ZBTB20: variants seen among roughly 807,000 people sequenced by gnomAD.
The protein encoded by ZBTB20 is zinc finger and BTB domain-containing protein 20.
Under a neutral mutation model 56.9 loss-of-function variants are expected in ZBTB20, and 9 were observed. The observed-to-expected ratio is 0.16, with a 90% CI of 0.10 to 0.28. The LOEUF is 0.28. Ranked by LOEUF, ZBTB20 falls within the 10% of genes least tolerant of loss-of-function variation. ZBTB20 has a pLI of 1.00. For missense variants in ZBTB20, 655 were observed against 1,003.0 expected, an observed-to-expected ratio of 0.65 and a Z score of 4.69; for synonymous variants, 417 against 420.7, an observed-to-expected ratio of 0.99 and a Z score of 0.11.
chr3:114,703,769 C>T (rs541925979), intron 5 of ZBTB20, among the ~76,000 whole-genome samples: 59 of 152,292 alleles, frequency 3.9e-4, no homozygotes, highest in African/African-American at 1.2e-3. Context: ...ACAATGGTCA[C>T]TTTAGCCTGA....
intron 2 of ZBTB20, among the ~76,000 whole-genome samples, chr3:115,030,483 T>C (rs2080622603): frequency 6.6e-6 from 1 of 151,244 alleles, no homozygotes; most frequent in African/African-American, 2.4e-5. Flanking sequence ...GCATGCTCAT[T>C]TCCTAGTATT....
chr3:115,105,857 G>T (rs376909075), intron 1 of ZBTB20, among the ~76,000 whole-genome samples: 3 of 152,088 alleles, frequency 2.0e-5, no homozygotes, highest in Non-Finnish European at 4.4e-5. Flanking sequence ...CAGCTCCGTC[G>T]CCCAGGCTGG....
intron 4 of ZBTB20, among the ~76,000 whole-genome samples, chr3:114,813,904 G>A (rs2072740762): frequency 6.6e-6 from 1 of 151,976 alleles, no homozygotes; most frequent in South Asian, 2.1e-4. Context: ...TTTAAAAATG[G>A]GAATACTAAA....
At chr3:114,935,187 C>T (rs2076492536) in intron 3 of ZBTB20, among the ~76,000 whole-genome samples, 1 of 152,160 alleles carries the variant, frequency 6.6e-6, no homozygotes, top group Non-Finnish European at 1.5e-5. Context: ...TACTTTGCCT[C>T]CTCCCTACCA....
chr3:114,848,483 T>C (rs1289425092), intron 4 of ZBTB20, among the ~76,000 whole-genome samples: 4 of 152,172 alleles, frequency 2.6e-5, no homozygotes, highest in Non-Finnish European at 4.4e-5. Flanking sequence ...CCAACAGACA[T>C]GGAAATTCTT....
intron 4 of ZBTB20, among the ~76,000 whole-genome samples, chr3:114,844,832 G>T (rs1006444544): frequency 6.8e-6 from 1 of 146,308 alleles, no homozygotes; most frequent in Admixed American, 6.9e-5. Context: ...CATTTCATGT[G>T]CTCATCATAT....
intron 1 of ZBTB20, among the ~76,000 whole-genome samples, chr3:115,143,699 G>A (rs553111216): frequency 5.9e-5 from 9 of 151,774 alleles, no homozygotes; most frequent in East Asian, 5.8e-4. Flanking sequence ...ATAAAGCAAC[G>A]TTTTATTAAT....
At chr3:114,476,503 G>C (rs564593115) in intron 7 of ZBTB20, among the ~76,000 whole-genome samples, 46 of 152,328 alleles carry the variant, frequency 3.0e-4, no homozygotes, top group Non-Finnish European at 5.9e-4. Flanking sequence ...GGGATGTCTA[G>C]TATGAAGGTA....
At chr3:114,954,537 A>G (rs1036406692) in intron 3 of ZBTB20, among the ~76,000 whole-genome samples, 1 of 152,150 alleles carries the variant, frequency 6.6e-6, no homozygotes, top group African/African-American at 2.4e-5. Context: ...AATAGGAAGT[A>G]AACATGGTAC....
At chr3:114,899,110 T>C (rs929794935) in intron 4 of ZBTB20, among the ~76,000 whole-genome samples, 2 of 152,104 alleles carry the variant, frequency 1.3e-5, no homozygotes, top group African/African-American at 4.8e-5. Context: ...ATACCAAGCA[T>C]CTAGCATTTG....
chr3:114,902,380 C>T (rs1560380500), intron 3 of ZBTB20, among the ~76,000 whole-genome samples: 3 of 152,134 alleles, frequency 2.0e-5, no homozygotes, highest in African/African-American at 4.8e-5. Context: ...TAGGACACAC[C>T]TTACCCTCAT....
chr3:114,403,622 A>T (rs538950879), intron 7 of ZBTB20, among the ~76,000 whole-genome samples: 1 of 151,988 alleles, frequency 6.6e-6, no homozygotes, highest in African/African-American at 2.4e-5. Flanking sequence ...GAGCGTCTCC[A>T]TATTTGTACA....
chr3:114,825,671 G>A (rs531769771), intron 4 of ZBTB20, among the ~76,000 whole-genome samples: 3 of 151,998 alleles, frequency 2.0e-5, no homozygotes, highest in Admixed American at 1.3e-4. Flanking sequence ...CTACTGAATA[G>A]ATAGGTTTAA....
intron 4 of ZBTB20, among the ~76,000 whole-genome samples, chr3:114,822,112 G>A (rs79138648): frequency 0.011 from 1,633 of 152,120 alleles, 24 homozygotes; most frequent in African/African-American, 0.037. Flanking sequence ...TTCATTCTGC[G>A]TTAGATGCAA....
At chr3:114,809,054 C>T (rs1168608319) in intron 4 of ZBTB20, among the ~76,000 whole-genome samples, 2 of 150,536 alleles carry the variant, frequency 1.3e-5, no homozygotes, top group East Asian at 3.9e-4. Context: ...AGCTGTTAAT[C>T]GTAGTGTTGT....
At chr3:114,688,114 CA>C (rs1485084319) in intron 6 of ZBTB20, 1 of 152,082 alleles carries the variant, frequency 6.6e-6, no homozygotes, top group Admixed American at 6.6e-5. Flanking sequence ...TCTGTAATCC[CA>C]GCTACTTGGG....
At chr3:115,137,022 T>C (rs986475915) in intron 1 of ZBTB20, among the ~76,000 whole-genome samples, 3 of 152,098 alleles carry the variant, frequency 2.0e-5, no homozygotes, top group Non-Finnish European at 4.4e-5. Flanking sequence ...AAAGGTGCCA[T>C]GCACTAACTG....
At chr3:114,704,753 A>G (rs576353620) in intron 5 of ZBTB20, among the ~76,000 whole-genome samples, 1 of 152,306 alleles carries the variant, frequency 6.6e-6, no homozygotes, top group East Asian at 1.9e-4. Context: ...TAAGGTGAAC[A>G]GCAAAGATTT....
intron 2 of ZBTB20, among the ~76,000 whole-genome samples, chr3:114,999,210 GAAAT>G (rs1288355960): frequency 7.2e-6 from 1 of 139,248 alleles, no homozygotes; most frequent in Non-Finnish European, 1.5e-5. Flanking sequence ...AAGGAGGAGG[GAAAT>G]GAAAGGAAAG....
Sources: gnomAD v4.1 joint callset for allele counts (sites outside exome capture counted in the v4.1 genomes callset) on GRCh38, gnomAD v4.1.1 for gene constraint, MANE v1.5 for transcripts, NCBI Gene and HGNC (gene_info 2026-07-23, HGNC 2026-07-21) for gene names.